ABI2: variants seen among roughly 807,000 people sequenced by gnomAD.
The protein encoded by ABI2 is abelson interactor 2.
ABI2 carries 25 observed loss-of-function variants against 59.2 expected under a neutral mutation model. The observed-to-expected ratio is 0.42, with a 90% confidence interval of 0.31 to 0.59. The LOEUF is 0.59. ABI2 is among the 20% of genes least tolerant of loss of function. The pLI is 0.14. For missense variants in ABI2, 545 were observed against 681.8 expected (o/e 0.80, Z 2.23); for synonymous variants, 213 against 235.5 (o/e 0.90, Z 0.87).
intron 8 of ABI2, among the ~76,000 whole-genome samples, chr2:203,400,951 TC>T (rs2097193798): frequency 6.6e-6 from 1 of 152,228 alleles, no homozygotes; most frequent in South Asian, 2.1e-4. Context: ...TTTCAACAAA[TC>T]AAGCATTCAT....
At chr2:203,389,571 G>T (rs2096660176) in intron 4 of ABI2, among the ~76,000 whole-genome samples, 1 of 152,154 alleles carries the variant, frequency 6.6e-6, no homozygotes, top group Non-Finnish European at 1.5e-5. Flanking sequence ...AGTTATAAAT[G>T]TATTCTGATT....
At chr2:203,392,173 A>G (rs2096767258) in intron 5 of ABI2, among the ~76,000 whole-genome samples, 1 of 152,174 alleles carries the variant, frequency 6.6e-6, no homozygotes, top group East Asian at 1.9e-4. Flanking sequence ...AAAAATGTGT[A>G]AGACAAAGAC....
rs141877453 is a variant in ABI2, at chr2:203,425,203, A to C, written c.1454-1974A>C. 2.0e-3 allele frequency among the ~76,000 whole-genome samples: 302 copies of C among 151,926 alleles called. 1 individual carries two copies. The highest frequency in any genetic ancestry group is 3.6e-3 in the Non-Finnish European group (244 of 67,940). ...CATATTCTCTTCTGAATTACTTTTCATGGGTTTGCATTTCTTTTTCTTTTA... is the reference window on the plus strand; with the variant it reads ...CATATTCTCTTCTGAATTACTTTTCCTGGGTTTGCATTTCTTTTTCTTTTA... On this transcript the variant is annotated intron_variant, in intron 11 of 11. Coordinates refer to ENST00000261018, the MANE Select transcript of ABI2 (RefSeq NM_001375670.1).
intron 5 of ABI2, among the ~76,000 whole-genome samples, chr2:203,393,197 G>A (rs890065063): frequency 1.3e-5 from 2 of 152,162 alleles, no homozygotes; most frequent in African/African-American, 4.8e-5. Flanking sequence ...TGGGATTACA[G>A]GTGTGCGCCA....
chr2:203,390,785 G>A (rs2096715341), intron 4 of ABI2, among the ~76,000 whole-genome samples: 1 of 152,200 alleles, frequency 6.6e-6, no homozygotes. Flanking sequence ...CCAGTGATCT[G>A]TTGGTGTGAT....
intron 1 of ABI2, among the ~76,000 whole-genome samples, chr2:203,336,895 C>T (rs1387645204): frequency 6.6e-6 from 1 of 152,106 alleles, no homozygotes; most frequent in African/African-American, 2.4e-5. Context: ...ACGATGGTAC[C>T]GTTTTGCGTT....
chr2:203,351,495 ATTTC>A (rs1339707064), intron 1 of ABI2: 19 of 404,586 alleles, frequency 4.7e-5, no homozygotes, highest in Non-Finnish European at 8.1e-5. Context: ...TCATCTTAAA[ATTTC>A]TTTCAATGAT....
chr2:203,372,244 G>T (rs189067227), intron 2 of ABI2, among the ~76,000 whole-genome samples: 1 of 152,138 alleles, frequency 6.6e-6, no homozygotes. Context: ...CAGGGTTGGG[G>T]CTAAGGTCAC....
intron 1 of ABI2, among the ~76,000 whole-genome samples, chr2:203,354,206 G>C (rs565661999): frequency 6.6e-6 from 1 of 152,082 alleles, no homozygotes; most frequent in Non-Finnish European, 1.5e-5. Context: ...ACCACGCCCT[G>C]CTAATTTTTG....
intron 7 of ABI2, 42 bp from the exon 8 acceptor site, chr2:203,396,743 A>C: frequency 1.4e-6 from 2 of 1,476,368 alleles, no homozygotes; most frequent in East Asian, 2.6e-5. Context: ...GCCTCATGTG[A>C]TTGCCTCATT....
intron 3 of ABI2, 93 bp from the exon 4 acceptor site, chr2:203,382,096 T>C (rs376089389): frequency 3.0e-5 from 33 of 1,115,584 alleles, no homozygotes; most frequent in African/African-American, 4.8e-5. Context: ...TTGTTTTTTC[T>C]TTTTTTCCTT....
intron 1 of ABI2, among the ~76,000 whole-genome samples, chr2:203,353,791 C>T (rs1385559058): frequency 6.6e-6 from 1 of 152,180 alleles, no homozygotes; most frequent in Non-Finnish European, 1.5e-5. Context: ...AGCCACCATG[C>T]CAGGCCCAGA....
At chr2:203,364,735 T>A (rs763134412) in intron 1 of ABI2, among the ~76,000 whole-genome samples, 19 of 118,032 alleles carry the variant, frequency 1.6e-4, no homozygotes, top group Admixed American at 1.0e-3. Flanking sequence ...ATTTTTTTAA[T>A]TTTTTTTTTT....
intron 1 of ABI2, among the ~76,000 whole-genome samples, chr2:203,343,131 A>G (rs2081009726): frequency 6.6e-6 from 1 of 152,192 alleles, no homozygotes; most frequent in Non-Finnish European, 1.5e-5. Flanking sequence ...GGGGAGGCTG[A>G]GGCAGGTGGA....
intron 1 of ABI2, among the ~76,000 whole-genome samples, chr2:203,343,043 G>T (rs1002341781): frequency 6.6e-6 from 1 of 152,162 alleles, no homozygotes; most frequent in African/African-American, 2.4e-5. Flanking sequence ...AGAAAAAGGA[G>T]AACTTTATTT....
chr2:203,427,459 A>G lies in ABI2; in HGVS notation c.*107A>G, dbSNP rs1325847151. 5 of 1,053,080 alleles carry G rather than the reference A, an allele frequency of 4.7e-6. No homozygotes were observed. Among genetic ancestry groups the G allele is most frequent in the Non-Finnish European group, 6.6e-6 (5 of 757,048 alleles). The allele number at this position is 1,053,080 out of a possible 1,614,324, so 65.2% of individuals were successfully genotyped here. ...TAAAGTAGAATGAAGGATACAAATG[A>G]TAAAAATTACACTTTTTTTTTTGGT... On this transcript the variant is annotated 3_prime_UTR_variant, in exon 12 of 12. Coordinates refer to ENST00000261018, the MANE Select transcript of ABI2 (RefSeq NM_001375670.1).
At chr2:203,371,403 G>T (rs1488266923) in intron 2 of ABI2, among the ~76,000 whole-genome samples, 6 of 152,158 alleles carry the variant, frequency 3.9e-5, no homozygotes, top group Non-Finnish European at 8.8e-5. Flanking sequence ...GATATTAATT[G>T]ATTAGGAATA....
At position 203,367,335 on chromosome 2, in the gene ABI2, T is replaced by C. The variant is rs192771979; in HGVS notation, c.285+291T>C. ...TCCATTCCCCCGCCTTTTTTTTTTTTTAAAACAAATTTCATACTTCTTTAT... is the reference window on the plus strand; with the variant it reads ...TCCATTCCCCCGCCTTTTTTTTTTTCTAAAACAAATTTCATACTTCTTTAT... On this transcript the variant is annotated intron_variant, in intron 2 of 11. Transcript: ENST00000261018. The C allele has an allele frequency of 1.2e-4, 25 of 208,476 alleles. 1 individual carries two copies. The East Asian group carries it at 2.7e-3, about 23-fold the overall frequency. The allele number at this position is 208,476 out of a possible 1,614,324, so 12.9% of individuals were successfully genotyped here. A position where few individuals can be genotyped will look rare whatever the true frequency, so the allele number is the denominator to read the frequency against.
intron 2 of ABI2, 91 bp from the exon 3 acceptor site, chr2:203,380,117 G>A: frequency 1.4e-6 from 1 of 717,996 alleles, no homozygotes; most frequent in Admixed American, 3.7e-5. Flanking sequence ...AATATGAGTA[G>A]CAATATTAAA....
Sources: allele counts gnomAD v4.1 joint callset (sites outside exome capture counted in the v4.1 genomes callset), GRCh38; gene constraint gnomAD v4.1.1; transcripts MANE v1.5; gene names NCBI Gene and HGNC (gene_info 2026-07-23, HGNC 2026-07-21).